LEKR1: variants seen among roughly 807,000 people sequenced by gnomAD.
LEKR1 encodes protein LEKR1.
LEKR1 carries 59 observed loss-of-function variants against 72.4 expected under a neutral mutation model. That is an observed-to-expected ratio of 0.82 (90% CI 0.66 to 1.01). The LOEUF (loss-of-function observed/expected upper bound fraction) is 1.01. Ranked by LOEUF, LEKR1 falls within the 50% of genes least tolerant of loss-of-function variation. The probability of loss-of-function intolerance (pLI) is 0.00; values close to 1 mark genes in which losing one functional copy is unlikely to be tolerated. For synonymous variants in LEKR1, 257 were observed against 263.2 expected, an observed-to-expected ratio of 0.98 and a Z score of 0.23; for missense variants, 728 against 759.2, an observed-to-expected ratio of 0.96 and a Z score of 0.48.
At chr3:156,972,818 AG>A (rs1729354610) in intron 6 of LEKR1, among the ~76,000 whole-genome samples, 2 of 151,892 alleles carry the variant, frequency 1.3e-5, no homozygotes, top group South Asian at 2.1e-4. Context: ...AAAATAAGAC[AG>A]GTGTTAGTTT....
chr3:156,841,828 G>A (rs993871515), intron 2 of LEKR1, among the ~76,000 whole-genome samples: 6 of 152,090 alleles, frequency 3.9e-5, no homozygotes, highest in South Asian at 2.1e-4. Flanking sequence ...AATCAGCTGC[G>A]TGTGTTATTC....
chr3:156,990,007 A>G (rs1036469401), intron 7 of LEKR1, among the ~76,000 whole-genome samples: 1 of 152,218 alleles, frequency 6.6e-6, no homozygotes, highest in Non-Finnish European at 1.5e-5. Flanking sequence ...ACCTAATGAT[A>G]TCTTTTATAA....
intron 3 of LEKR1, among the ~76,000 whole-genome samples, chr3:156,892,014 A>C (rs1360945902): frequency 6.6e-6 from 1 of 152,064 alleles, no homozygotes; most frequent in African/African-American, 2.4e-5. Context: ...TTATAAGCCT[A>C]CTATTAAAGG....
At chr3:156,953,304 G>A (rs1727332778) in intron 6 of LEKR1, among the ~76,000 whole-genome samples, 1 of 151,472 alleles carries the variant, frequency 6.6e-6, no homozygotes, top group South Asian at 2.1e-4. Context: ...TAGTGCATTT[G>A]TTACAATTAA....
chr3:156,977,453 A>C (rs1729795135), intron 6 of LEKR1: 2 of 490,940 alleles, frequency 4.1e-6, no homozygotes, highest in South Asian at 1.6e-5. Context: ...TAATGAACTC[A>C]GTGCCCACCC....
intron 3 of LEKR1, among the ~76,000 whole-genome samples, chr3:156,893,430 T>A (rs923688763): frequency 2.0e-5 from 3 of 152,180 alleles, no homozygotes; most frequent in Non-Finnish European, 4.4e-5. Flanking sequence ...TCTGATATAG[T>A]TTAGATGTTT....
intron 7 of LEKR1, among the ~76,000 whole-genome samples, chr3:156,986,489 A>G (rs898259364): frequency 3.3e-5 from 5 of 152,232 alleles, no homozygotes; most frequent in Admixed American, 2.0e-4. Flanking sequence ...TCAGAGGTCA[A>G]TCTGATTTAC....
intron 5 of LEKR1, among the ~76,000 whole-genome samples, chr3:156,937,374 A>T (rs1259793260): frequency 6.6e-6 from 1 of 152,212 alleles, no homozygotes; most frequent in Non-Finnish European, 1.5e-5. Flanking sequence ...TATCAGTAGA[A>T]ATTTAACCGA....
chr3:156,901,846 C>T (rs1251099626), intron 3 of LEKR1, among the ~76,000 whole-genome samples: 1 of 152,096 alleles, frequency 6.6e-6, no homozygotes, highest in African/African-American at 2.4e-5. Context: ...GCCCCAAACC[C>T]AGCTAATTTT....
intron 3 of LEKR1, among the ~76,000 whole-genome samples, chr3:156,862,864 G>A (rs1231233425): frequency 6.6e-6 from 1 of 152,050 alleles, no homozygotes; most frequent in Non-Finnish European, 1.5e-5. Context: ...CATAACTGTA[G>A]AACTTAATTA....
intron 9 of LEKR1, among the ~76,000 whole-genome samples, chr3:157,008,977 C>A (rs1025728008): frequency 6.6e-6 from 1 of 151,942 alleles, no homozygotes; most frequent in African/African-American, 2.4e-5. Context: ...TTGTTCAGTT[C>A]GAAGTATTTT....
rs948943765 is a variant in LEKR1, at chr3:156,980,743, G to A, written c.827+1468G>A. On this transcript the variant is annotated intron_variant, in intron 7 of 12. Transcript: ENST00000356539. ...GGAGGTGGTGTTAGCACACAACTAA[G>A]CTAAGAGGGAATTTGTGGGCATACC... Among the ~76,000 whole-genome samples the A allele has an allele frequency of 2.0e-5, 3 of 152,176 alleles. No individual in the cohort carries two copies. In the East Asian group the frequency reaches 5.8e-4, roughly 29 times the overall value.
intron 7 of LEKR1, among the ~76,000 whole-genome samples, chr3:156,980,990 C>T (rs936185684): frequency 2.1e-4 from 32 of 151,956 alleles, no homozygotes; most frequent in Non-Finnish European, 4.3e-4. Context: ...ATTATAATAC[C>T]GTATATTTAC....
At chr3:156,876,007 A>G (rs890293287) in intron 3 of LEKR1, among the ~76,000 whole-genome samples, 2 of 151,530 alleles carry the variant, frequency 1.3e-5, no homozygotes, top group Non-Finnish European at 2.9e-5. Flanking sequence ...AAAAAAAAAA[A>G]AAAAAAAAAG....
intron 2 of LEKR1, among the ~76,000 whole-genome samples, chr3:156,844,905 G>GGT (rs1553784083): frequency 1.8e-5 from 1 of 56,226 alleles, no homozygotes; most frequent in Admixed American, 2.1e-4. Context: ...AGTAACTACA[G>GGT]GTTTTTTTTT....
intron 11 of LEKR1, among the ~76,000 whole-genome samples, chr3:157,026,328 A>G (rs1334971721): frequency 1.3e-5 from 2 of 152,184 alleles, no homozygotes; most frequent in African/African-American, 4.8e-5. Flanking sequence ...GCAAGCTGGA[A>G]CTTGCCAAAT....
intron 2 of LEKR1, among the ~76,000 whole-genome samples, chr3:156,844,266 C>A (rs968485861): frequency 4.6e-4 from 70 of 151,920 alleles, no homozygotes; most frequent in African/African-American, 1.5e-3. Flanking sequence ...TGATTTTTTT[C>A]TATTTTTATT....
intron 3 of LEKR1, among the ~76,000 whole-genome samples, chr3:156,855,287 C>T (rs1167207561): frequency 6.6e-6 from 1 of 152,140 alleles, no homozygotes; most frequent in Non-Finnish European, 1.5e-5. Flanking sequence ...GAAGTGACCA[C>T]TTTCCTACAT....
intron 2 of LEKR1, among the ~76,000 whole-genome samples, chr3:156,837,988 A>C (rs1713372080): frequency 6.6e-6 from 1 of 152,200 alleles, no homozygotes. Context: ...GCCAGGCTAC[A>C]TGGGGGATCC....
Sources: gnomAD v4.1 joint callset for allele counts (sites outside exome capture counted in the v4.1 genomes callset) on GRCh38, gnomAD v4.1.1 for gene constraint, MANE v1.5 for transcripts, NCBI Gene and HGNC (gene_info 2026-07-23, HGNC 2026-07-21) for gene names.